The following HDAC4 variants were observed in gnomAD, a reference collection of about 807,000 sequenced individuals.
HDAC4 encodes histone deacetylase A.
In HDAC4, 16 loss-of-function variants were observed where a neutral mutation model predicts 135.1. The ratio of observed to expected loss-of-function variants is 0.12; its 90% confidence interval spans 0.08 to 0.18. The LOEUF (loss-of-function observed/expected upper bound fraction) is 0.18. Among genes scored for constraint, HDAC4 ranks in the 10% least tolerant of loss-of-function variants. HDAC4 has a pLI of 1.00. For missense variants in HDAC4, 1,143 were observed against 1,511.8 expected, an observed-to-expected ratio of 0.76 and a Z score of 4.05; for synonymous variants, 685 against 653.4, an observed-to-expected ratio of 1.05 and a Z score of -0.74.
At chr2:239,081,856 T>C (rs1397576111) in intron 21 of HDAC4, among the ~76,000 whole-genome samples, 1 of 152,250 alleles carries the variant, frequency 6.6e-6, no homozygotes, top group East Asian at 1.9e-4. Context: ...AACACCTCTG[T>C]CTGCCTGGAT....
rs1575510332 is a variant in HDAC4, at chr2:239,245,320, C to A, written c.23-8656G>T. On this transcript the variant is annotated intron_variant, in intron 2 of 26. Coordinates refer to ENST00000543185, the MANE Select transcript of HDAC4 (RefSeq NM_001378414.1). This position sits in a 1 kb window ranked among gnomAD's most constrained non-coding sequence, Gnocchi z 4.4. ...TCAGTCAAGCCCTGAAACAGAAAAT[C>A]CCAGGACAAAGGACTCAGTGAGGCG... Among the ~76,000 whole-genome samples the A allele has an allele frequency of 6.6e-6, 1 of 152,184 alleles. No homozygotes were observed. Among genetic ancestry groups the A allele is most frequent in the African/African-American group, 2.4e-5 (1 of 41,444 alleles).
chr2:239,077,523 G>A (rs543708603), intron 22 of HDAC4, among the ~76,000 whole-genome samples: 41 of 152,382 alleles, frequency 2.7e-4, no homozygotes, highest in Middle Eastern at 6.8e-3. Context: ...GGCGCAGGAC[G>A]AGCTCTCTCA....
intron 17 of HDAC4, chr2:239,094,586 G>A: frequency 1.8e-6 from 2 of 1,132,582 alleles, no homozygotes; most frequent in Non-Finnish European, 2.2e-6. Context: ...TGGCCCATGA[G>A]TATCACGGTC....
At position 239,163,932 on chromosome 2, in the gene HDAC4, G is replaced by A; in HGVS notation, c.491-9C>T. 6.2e-7 allele frequency: 1 copy of A among 1,613,998 alleles called. No individual in the cohort carries two copies. Among genetic ancestry groups the A allele is most frequent in the South Asian group, 1.1e-5 (1 of 91,074 alleles). On this transcript the variant is annotated splice_polypyrimidine_tract_variant and intron_variant, in intron 5 of 26. Coordinates refer to ENST00000543185, the MANE Select transcript of HDAC4 (RefSeq NM_001378414.1). ...TGTGCTGGCCACGGCACCTGGCGTG[G>A]GAGAAAGCATAGCAGGGGGTGAAGT...
intron 22 of HDAC4, among the ~76,000 whole-genome samples, chr2:239,074,080 A>AG (rs1288165159): frequency 9.1e-5 from 11 of 120,698 alleles, no homozygotes; most frequent in African/African-American, 2.4e-4. Context: ...TGAGGGGGCC[A>AG]CAGGACTGAG....
intron 8 of HDAC4, among the ~76,000 whole-genome samples, chr2:239,142,966 G>C (rs1470857657): frequency 7.0e-6 from 1 of 142,788 alleles, no homozygotes; most frequent in African/African-American, 2.6e-5. Context: ...GTGACGCATG[G>C]CTCCTGGGTG....
intron 3 of HDAC4, among the ~76,000 whole-genome samples, chr2:239,190,789 C>T (rs1376265038): frequency 6.6e-6 from 1 of 152,210 alleles, no homozygotes; most frequent in Non-Finnish European, 1.5e-5. Flanking sequence ...GAAAAGGCTA[C>T]AAGTAATTTT....
chr2:239,217,963 G>A (rs1001229382), intron 3 of HDAC4, among the ~76,000 whole-genome samples: 6 of 152,096 alleles, frequency 3.9e-5, no homozygotes, highest in Non-Finnish European at 7.3e-5. Flanking sequence ...GTGGTGACAC[G>A]TGCCTGTGGT....
At chr2:239,284,255 C>T (rs2051003273) in intron 2 of HDAC4, among the ~76,000 whole-genome samples, 1 of 152,192 alleles carries the variant, frequency 6.6e-6, no homozygotes, top group Non-Finnish European at 1.5e-5. Context: ...CCGAGGACAC[C>T]GATGGCAGGA....
intron 24 of HDAC4, among the ~76,000 whole-genome samples, chr2:239,056,903 C>G (rs1233165424): frequency 6.6e-6 from 1 of 152,206 alleles, no homozygotes; most frequent in Admixed American, 6.5e-5. Context: ...GGAGAAGAAA[C>G]TCAAACATGA....
At chr2:239,083,967 G>A (rs556731422) in intron 20 of HDAC4, among the ~76,000 whole-genome samples, 188 bp downstream of exon 20, 3 of 152,348 alleles carry the variant, frequency 2.0e-5, no homozygotes, top group Admixed American at 6.5e-5. Flanking sequence ...CGCCAGGGTC[G>A]GCTGACGGAA....
chr2:239,374,386 CTTTTTTTTTTTTTTTTTT>C (rs755538495), intron 1 of HDAC4, among the ~76,000 whole-genome samples: 5 of 56,706 alleles, frequency 8.8e-5, no homozygotes, highest in Admixed American at 2.9e-4. Context: ...GAAAACAAGG[CTTTTTTTTTTTTTTTTTT>C]TTTTTTTTTT....
intron 6 of HDAC4, among the ~76,000 whole-genome samples, chr2:239,157,355 T>C (rs773315746): frequency 3.2e-4 from 48 of 152,148 alleles, no homozygotes; most frequent in Non-Finnish European, 5.9e-4. Context: ...CCTCCCTCTC[T>C]GGGGGAGGAA....
At chr2:239,191,620 C>T (rs1308590130) in intron 3 of HDAC4, among the ~76,000 whole-genome samples, 5 of 152,236 alleles carry the variant, frequency 3.3e-5, no homozygotes, top group Non-Finnish European at 7.3e-5. Context: ...GGGTTCTGAT[C>T]CCTGGGTTGC....
intron 2 of HDAC4, among the ~76,000 whole-genome samples, chr2:239,317,463 G>A (rs1196064500): frequency 1.3e-5 from 2 of 151,950 alleles, no homozygotes; most frequent in African/African-American, 4.8e-5. Flanking sequence ...AAGTACAGGC[G>A]AGATTAGGAC....
chr2:239,211,431 C>T (rs2046350523), intron 3 of HDAC4, among the ~76,000 whole-genome samples: 2 of 152,180 alleles, frequency 1.3e-5, no homozygotes, highest in Admixed American at 6.5e-5. Flanking sequence ...TGGTCCGGGC[C>T]CCTGCACACA....
At chr2:239,204,254 T>G (rs762969053) in intron 3 of HDAC4, among the ~76,000 whole-genome samples, 1 of 152,164 alleles carries the variant, frequency 6.6e-6, no homozygotes, top group Admixed American at 6.5e-5. Context: ...TGACTGCAGA[T>G]AGACAGCCGA....
chr2:239,358,607 C>A (rs1166730640), intron 1 of HDAC4, among the ~76,000 whole-genome samples: 2 of 152,190 alleles, frequency 1.3e-5, no homozygotes, highest in Non-Finnish European at 2.9e-5. Context: ...CGCGTAGGGA[C>A]TCACTCACAC....
intron 4 of HDAC4, among the ~76,000 whole-genome samples, chr2:239,177,930 C>T (rs2043876716): frequency 6.6e-6 from 1 of 152,194 alleles, no homozygotes; most frequent in Non-Finnish European, 1.5e-5. Flanking sequence ...TGGGAAGGTG[C>T]AACTGACCAG....
Sources: gnomAD v4.1 joint callset for allele counts (sites outside exome capture counted in the v4.1 genomes callset) on GRCh38, gnomAD v4.1.1 for gene constraint, Gnocchi (gnomAD v3.1) non-coding constraint, MANE v1.5 for transcripts, NCBI Gene and HGNC (gene_info 2026-07-23, HGNC 2026-07-21) for gene names.